The following ACACB variants were observed in gnomAD, a reference collection of about 807,000 sequenced individuals.
The protein encoded by ACACB is acetyl-CoA carboxylase 2.
Under a neutral mutation model 278.8 loss-of-function variants are expected in ACACB, and 209 were observed. That is an observed-to-expected ratio of 0.75 (90% CI 0.67 to 0.84). The LOEUF is 0.84. ACACB is among the 40% of genes least tolerant of loss of function. The probability of loss-of-function intolerance (pLI) is 0.00; values close to 1 mark genes in which losing one functional copy is unlikely to be tolerated. For synonymous variants in ACACB, 1,174 were observed against 1,285.6 expected (o/e 0.91, Z 1.86); for missense variants, 2,850 against 3,269.0 (o/e 0.87, Z 3.13).
chr12:109,230,260 G>T (rs1452705413), intron 28 of ACACB, among the ~76,000 whole-genome samples: 1 of 152,124 alleles, frequency 6.6e-6, no homozygotes, highest in Non-Finnish European at 1.5e-5. Context: ...CTAGTTATTT[G>T]TTTTTACCCT....
At chr12:109,191,292 C>A (rs1186643735) in intron 13 of ACACB, among the ~76,000 whole-genome samples, 1 of 151,582 alleles carries the variant, frequency 6.6e-6, no homozygotes, top group East Asian at 1.9e-4. Flanking sequence ...CAGCTCCCTG[C>A]AACCTCTGCC....
chr12:109,221,879 C>CT (rs34724260), intron 24 of ACACB, among the ~76,000 whole-genome samples: 2,619 of 130,040 alleles, frequency 0.02, 103 homozygotes, highest in African/African-American at 0.057. Context: ...AATCACTGAC[C>CT]TTTTTTTTTT....
chr12:109,173,449 C>T (rs1231268971), intron 6 of ACACB, among the ~76,000 whole-genome samples: 1 of 152,134 alleles, frequency 6.6e-6, no homozygotes, highest in African/African-American at 2.4e-5. Context: ...GAGGTACAGC[C>T]GGGAGTCCCA....
Position 109,233,969 on chromosome 12 carries a change from A to T in ACACB, c.4271A>T (p.Asn1424Ile), listed in dbSNP as rs1196055604. The T allele has an allele frequency of 1.2e-5, 19 of 1,613,974 alleles. No individual in the cohort carries two copies. The highest frequency in any genetic ancestry group is 1.5e-5 in the Non-Finnish European group (18 of 1,180,022). ...AGAGAAGAGCCCATCCACATTCTGA[A>T]TGTGTCCATCCAGTGTGCAGACCAC... Reference protein sequence around the residue: ...SLREEPIHILNVSIQCADHLE... With the variant: ...SLREEPIHILIVSIQCADHLE... Residue 1424 changes from asparagine (N) to isoleucine (I), a missense_variant, in exon 31 of 53, where the codon AAT becomes ATT. Transcript: ENST00000338432.
chr12:109,224,764 T>G (rs531581871), intron 27 of ACACB, among the ~76,000 whole-genome samples: 1 of 152,244 alleles, frequency 6.6e-6, no homozygotes, highest in African/African-American at 2.4e-5. Context: ...ACTCCTGACC[T>G]CAAGTGATCT....
At chr12:109,177,576 G>A (rs912986720) in intron 9 of ACACB, among the ~76,000 whole-genome samples, 1 of 152,190 alleles carries the variant, frequency 6.6e-6, no homozygotes, top group Non-Finnish European at 1.5e-5. Flanking sequence ...GGGGATTTGG[G>A]TGGGGGGAAG....
At chr12:109,190,923 G>C (rs1008343012) in intron 13 of ACACB, among the ~76,000 whole-genome samples, 26 of 152,104 alleles carry the variant, frequency 1.7e-4, no homozygotes, top group African/African-American at 6.3e-4. Flanking sequence ...ACCATGCCTG[G>C]CTGGTTCTTT....
chr12:109,172,426 C>G, intron 6 of ACACB, 70 bp downstream of exon 6: 1 of 1,412,868 alleles, frequency 7.1e-7, no homozygotes, highest in East Asian at 2.3e-5. Flanking sequence ...GTCTGACCCT[C>G]TTTCTCCTCC....
chr12:109,203,466 CA>C (rs1404227485), intron 19 of ACACB, among the ~76,000 whole-genome samples: 2 of 152,228 alleles, frequency 1.3e-5, no homozygotes, highest in African/African-American at 4.8e-5. Flanking sequence ...CCGTACCTCA[CA>C]AAGATGATCT....
chr12:109,130,595 G>A (rs1013432713), intron 1 of ACACB, among the ~76,000 whole-genome samples: 12 of 152,070 alleles, frequency 7.9e-5, no homozygotes, highest in African/African-American at 1.4e-4. Context: ...GTGCTTCCCC[G>A]CATTCAGCTG....
chr12:109,193,220 T>G (rs2044959247), intron 15 of ACACB, among the ~76,000 whole-genome samples: 1 of 137,304 alleles, frequency 7.3e-6, no homozygotes, highest in South Asian at 2.2e-4. Context: ...ATTTAGCCTT[T>G]TTTTTTTTTT....
At chr12:109,223,956 C>A in intron 27 of ACACB, 52 bp downstream of exon 27, 2 of 1,477,736 alleles carry the variant, frequency 1.4e-6, no homozygotes, top group Non-Finnish European at 9.5e-7. Context: ...TTCTAGTGTT[C>A]ACTGCCGCTA....
intron 41 of ACACB, among the ~76,000 whole-genome samples, chr12:109,250,504 T>G (rs1465912081): frequency 1.3e-5 from 2 of 152,126 alleles, no homozygotes; most frequent in African/African-American, 2.4e-5. Flanking sequence ...TGAATCAGGG[T>G]CCAATCTCAT....
chr12:109,167,649 A>ATATATATATATATATATATG (rs1182780906), intron 3 of ACACB, among the ~76,000 whole-genome samples: 1 of 139,482 alleles, frequency 7.2e-6, no homozygotes, highest in African/African-American at 2.7e-5. Flanking sequence ...ATATATATAT[A>ATATATATATATATATATATG]TATATTTCAG....
intron 34 of ACACB, among the ~76,000 whole-genome samples, chr12:109,238,585 A>T (rs2046707656): frequency 6.8e-6 from 1 of 147,186 alleles, no homozygotes; most frequent in Non-Finnish European, 1.5e-5. Flanking sequence ...TTTTTTGGAG[A>T]TGGAGTTTTG....
At chr12:109,177,412 A>G (rs997796069) in intron 9 of ACACB, among the ~76,000 whole-genome samples, 85 of 152,342 alleles carry the variant, frequency 5.6e-4, no homozygotes, top group African/African-American at 2.0e-3. Context: ...ACTTAGTTAA[A>G]TAGCACACAC....
rs750550202 is a variant in ACACB at position 109,241,171 on chromosome 12, C to T, written c.4912C>T (p.Gln1638Ter). 1.9e-6 allele frequency: 3 copies of T among 1,614,034 alleles called. No homozygotes were observed. Among genetic ancestry groups the T allele is most frequent in the African/African-American group, 1.3e-5 (1 of 74,922 alleles). ...GGCTGAGGTCAAGATCAACATCCGC[C>T]AGACCACCACCGGCAGTGCCGTTCC... ...LQAEVKINIR[Q>*]TTTGSAVPIR... The change falls in exon 36 of 53, where the codon CAG (glutamine) becomes TAG (stop). Residue 1638 changes from glutamine to a stop codon, truncating the protein, a stop_gained. Transcript: ENST00000338432. LOFTEE classifies it high-confidence loss of function.
In ACACB at chr12:109,125,957, A is replaced by G. The variant is rs773837637; in HGVS notation, c.-10+9253A>G. On this transcript the variant is annotated intron_variant, in intron 1 of 52. Coordinates refer to ENST00000338432, the MANE Select transcript of ACACB (RefSeq NM_001093.4). ...GTTGTGCCCTCAGGTTTGTGATTTTATTTGCTTCCCAGTGAGATCATAAAC... is the reference window on the plus strand; with the variant it reads ...GTTGTGCCCTCAGGTTTGTGATTTTGTTTGCTTCCCAGTGAGATCATAAAC... Among the ~76,000 whole-genome samples, 23 of 152,038 alleles carry G rather than the reference A, an allele frequency of 1.5e-4. No individual in the cohort carries two copies. Among genetic ancestry groups the G allele is most frequent in the Non-Finnish European group, 3.2e-4 (22 of 68,018 alleles).
chr12:109,246,091 A>G (rs2046933713), intron 38 of ACACB, 88 bp from the exon 39 acceptor site: 1 of 1,349,352 alleles, frequency 7.4e-7, no homozygotes, highest in Non-Finnish European at 1.0e-6. Flanking sequence ...CCCTGTATCT[A>G]AAAAAAATAA....
Sources: gnomAD v4.1 joint callset for allele counts (sites outside exome capture counted in the v4.1 genomes callset) on GRCh38, gnomAD v4.1.1 for gene constraint, MANE v1.5 for transcripts, NCBI Gene and HGNC (gene_info 2026-07-23, HGNC 2026-07-21) for gene names.